Variants in FMNL2 observed in about 807,000 individuals in gnomAD.
FMNL2 encodes the protein formin-like protein 2.
In FMNL2, 51 loss-of-function variants were observed where a neutral mutation model predicts 130.2. The observed-to-expected ratio is 0.39, with a 90% CI of 0.31 to 0.49. The LOEUF is 0.49. Ranked by LOEUF, FMNL2 falls within the 20% of genes least tolerant of loss-of-function variation. The probability of loss-of-function intolerance (pLI) is 0.85; values close to 1 mark genes in which losing one functional copy is unlikely to be tolerated. For synonymous variants in FMNL2, 465 were observed against 467.1 expected, an observed-to-expected ratio of 1.00 and a Z score of 0.06; for missense variants, 977 against 1,316.2, an observed-to-expected ratio of 0.74 and a Z score of 3.99.
chr2:152,586,446 G>A (rs1008725827), intron 9 of FMNL2, among the ~76,000 whole-genome samples: 1 of 152,228 alleles, frequency 6.6e-6, no homozygotes, highest in African/African-American at 2.4e-5. Flanking sequence ...AGGAAGGAGA[G>A]TGAAGATTTT....
intron 6 of FMNL2, among the ~76,000 whole-genome samples, chr2:152,564,411 T>C (rs1478031100): frequency 6.6e-6 from 1 of 151,952 alleles, no homozygotes; most frequent in Non-Finnish European, 1.5e-5. Context: ...TGGGCATGAT[T>C]AAAGAAAAAA....
intron 1 of FMNL2, among the ~76,000 whole-genome samples, chr2:152,339,670 A>G (rs1380527327): frequency 6.6e-6 from 1 of 152,224 alleles, no homozygotes; most frequent in Admixed American, 6.5e-5. Context: ...TTAGGGCAGT[A>G]TTATATTTGG....
intron 1 of FMNL2, among the ~76,000 whole-genome samples, chr2:152,398,782 G>A (rs113863335): frequency 5.3e-5 from 8 of 152,154 alleles, no homozygotes; most frequent in Non-Finnish European, 7.4e-5. Context: ...GGTACAGTTC[G>A]CTGAGGCATA....
intron 1 of FMNL2, among the ~76,000 whole-genome samples, chr2:152,354,670 T>G (rs1018012040): frequency 3.9e-5 from 6 of 152,222 alleles, no homozygotes; most frequent in African/African-American, 1.4e-4. Context: ...TGCACACATC[T>G]TTCTTACTAT....
intron 1 of FMNL2, among the ~76,000 whole-genome samples, chr2:152,362,203 G>A (rs2105820040): frequency 6.6e-6 from 1 of 152,094 alleles, no homozygotes; most frequent in Non-Finnish European, 1.5e-5. Context: ...GTTCCTTATT[G>A]TTTGACTCTC....
chr2:152,543,749 A>AAG (rs34186477), intron 3 of FMNL2, among the ~76,000 whole-genome samples: 1 of 146,836 alleles, frequency 6.8e-6, no homozygotes, highest in Non-Finnish European at 1.5e-5. Context: ...AAAAAAAAAA[A>AAG]GTCCAGCAAA....
intron 1 of FMNL2, among the ~76,000 whole-genome samples, chr2:152,411,495 G>A (rs1686290266): frequency 6.6e-6 from 1 of 152,182 alleles, no homozygotes; most frequent in Non-Finnish European, 1.5e-5. Flanking sequence ...GAGAAGTGGT[G>A]TATGAAGTTG....
chr2:152,394,237 A>G (rs1165138360), intron 1 of FMNL2, among the ~76,000 whole-genome samples: 11 of 152,180 alleles, frequency 7.2e-5, no homozygotes, highest in Admixed American at 7.2e-4. Flanking sequence ...ACACGACTTA[A>G]TTTTAGCTTC....
At chr2:152,440,328 C>G (rs1157468568) in intron 1 of FMNL2, among the ~76,000 whole-genome samples, 2 of 152,026 alleles carry the variant, frequency 1.3e-5, no homozygotes, top group Admixed American at 1.3e-4. Context: ...AAGACATGGG[C>G]AAGAGAAAAG....
chr2:152,628,666 T>A, intron 18 of FMNL2, 133 bp downstream of exon 18: 2 of 735,362 alleles, frequency 2.7e-6, no homozygotes, highest in Non-Finnish European at 4.4e-6. Flanking sequence ...TAAATTGCAT[T>A]TTTATTTCAA....
At chr2:152,405,281 A>T (rs558715069) in intron 1 of FMNL2, among the ~76,000 whole-genome samples, 9 of 152,204 alleles carry the variant, frequency 5.9e-5, no homozygotes, top group Non-Finnish European at 1.0e-4. Flanking sequence ...CTGACATTCA[A>T]CGCATCTTCC....
chr2:152,611,420 T>C, intron 10 of FMNL2, 75 bp from the exon 11 acceptor site: 1 of 716,032 alleles, frequency 1.4e-6, no homozygotes, highest in South Asian at 2.0e-5. Flanking sequence ...TTTTATGAAA[T>C]TGAAAGCACA....
At chr2:152,367,502 G>A (rs10171204) in intron 1 of FMNL2, among the ~76,000 whole-genome samples, 7,211 of 152,204 alleles carry the variant, frequency 0.047, 286 homozygotes, top group African/African-American at 0.1. Flanking sequence ...AGTTGACAGC[G>A]TTCTTAAGCA....
chr2:152,629,533 C>T, intron 18 of FMNL2, 123 bp from the exon 19 acceptor site: 1 of 820,588 alleles, frequency 1.2e-6, no homozygotes, highest in Non-Finnish European at 1.9e-6. Flanking sequence ...TAGACTCTCA[C>T]CATGAAGCCT....
chr2:152,393,553 G>A lies in FMNL2; in HGVS notation c.117+57833G>A, dbSNP rs554236141. Among the ~76,000 whole-genome samples the A allele has an allele frequency of 6.6e-5, 10 of 152,354 alleles. No individual in the cohort carries two copies. In the East Asian group the frequency reaches 1.9e-3, roughly 29 times the overall value. On this transcript the variant is annotated intron_variant, in intron 1 of 25. Transcript: ENST00000288670. The stretch of plus-strand genomic sequence containing the variant: ...CTCTTGTTTGACTGTCCCCCTGACA[G>A]CAATGTGTGTTGACTTTTCCACAAA...
At chr2:152,587,291 A>G (rs762427642) in intron 9 of FMNL2, among the ~76,000 whole-genome samples, 8 of 152,170 alleles carry the variant, frequency 5.3e-5, no homozygotes, top group Non-Finnish European at 8.8e-5. Flanking sequence ...TGCAAGGGGA[A>G]GGCAATGGCT....
intron 1 of FMNL2, among the ~76,000 whole-genome samples, chr2:152,376,148 A>C (rs1684159295): frequency 6.6e-6 from 1 of 151,478 alleles, no homozygotes; most frequent in African/African-American, 2.4e-5. Context: ...ACCCCCCTTG[A>C]CCTCCCAAAG....
chr2:152,380,502 T>C (rs1312635593), intron 1 of FMNL2, among the ~76,000 whole-genome samples: 5 of 152,254 alleles, frequency 3.3e-5, no homozygotes, highest in Admixed American at 1.3e-4. Context: ...ATTTTGGCAC[T>C]GAGAAGCCAG....
intron 1 of FMNL2, among the ~76,000 whole-genome samples, chr2:152,380,419 C>CCA (rs1367618134): frequency 6.6e-6 from 1 of 152,224 alleles, no homozygotes; most frequent in African/African-American, 2.4e-5. Flanking sequence ...AGTGTTGTAT[C>CCA]CACACATTCC....
Sources: gnomAD v4.1 joint callset for allele counts (sites outside exome capture counted in the v4.1 genomes callset) on GRCh38, gnomAD v4.1.1 for gene constraint, MANE v1.5 for transcripts, NCBI Gene and HGNC (gene_info 2026-07-23, HGNC 2026-07-21) for gene names.